The following CSNK2A2IP variants were observed in gnomAD, a reference collection of about 807,000 sequenced individuals.
CSNK2A2IP encodes casein kinase 2 subunit alpha' interacting protein.
At chr3:88,375,295 T>C in the CSNK2A2IP span, among the ~76,000 whole-genome samples, 7 of 151,808 alleles carry the variant, frequency 4.6e-5, no homozygotes, top group East Asian at 1.9e-4. Context: ...TCTCCTCTTA[T>C]AAGGCAAGCC....
At chr3:88,432,919 C>T in the CSNK2A2IP span, among the ~76,000 whole-genome samples, 1 of 151,770 alleles carries the variant, frequency 6.6e-6, no homozygotes, top group Non-Finnish European at 1.5e-5. Flanking sequence ...TTCTGGTTCA[C>T]AGCTCATATA....
chr3:88,448,521 T>C, the CSNK2A2IP span, among the ~76,000 whole-genome samples: 1 of 152,336 alleles, frequency 6.6e-6, no homozygotes, highest in South Asian at 2.1e-4. Flanking sequence ...TTAAAGTATA[T>C]AGGGAATCCC....
At chr3:88,424,745 T>A in the CSNK2A2IP span, among the ~76,000 whole-genome samples, 1 of 152,122 alleles carries the variant, frequency 6.6e-6, no homozygotes, top group Admixed American at 6.5e-5. Flanking sequence ...TGTGAAAAAG[T>A]AATGTCTGCC....
At chr3:88,408,225 G>T in the CSNK2A2IP span, among the ~76,000 whole-genome samples, 2 of 151,020 alleles carry the variant, frequency 1.3e-5, no homozygotes, top group African/African-American at 5.0e-5. Context: ...TTTCATAAAG[G>T]TGACAGAGTA....
chr3:88,370,923 T>C, the CSNK2A2IP span, among the ~76,000 whole-genome samples: 2 of 151,620 alleles, frequency 1.3e-5, no homozygotes, highest in East Asian at 1.9e-4. Context: ...TGCACGCACA[T>C]AGAGAAAAGG....
At chr3:88,363,158 A>G in the CSNK2A2IP span, among the ~76,000 whole-genome samples, 2 of 152,214 alleles carry the variant, frequency 1.3e-5, no homozygotes, top group African/African-American at 4.8e-5. Context: ...TATAAGCAAT[A>G]CAAGACTTTC....
At chr3:88,351,887 G>C in the CSNK2A2IP span, among the ~76,000 whole-genome samples, 1 of 152,006 alleles carries the variant, frequency 6.6e-6, no homozygotes, top group Non-Finnish European at 1.5e-5. Context: ...GATTTTCAGA[G>C]TTCATCATTT....
chr3:88,366,308 A>G, the CSNK2A2IP span, among the ~76,000 whole-genome samples: 1 of 152,166 alleles, frequency 6.6e-6, no homozygotes, highest in Non-Finnish European at 1.5e-5. Flanking sequence ...AGTTTGTACA[A>G]TGGCTAAGCC....
chr3:88,466,476 A>T, the CSNK2A2IP span: 24 of 1,231,894 alleles, frequency 1.9e-5, no homozygotes, highest in Non-Finnish European at 2.3e-5. Flanking sequence ...GTCAATTATT[A>T]TCAAGCTCCA....
At chr3:88,391,583 T>C in the CSNK2A2IP span, among the ~76,000 whole-genome samples, 2 of 152,222 alleles carry the variant, frequency 1.3e-5, no homozygotes, top group East Asian at 3.8e-4. Flanking sequence ...ATTTAAGATA[T>C]AACTTCATGA....
the CSNK2A2IP span, among the ~76,000 whole-genome samples, chr3:88,402,074 A>G: frequency 6.6e-6 from 1 of 151,140 alleles, no homozygotes; most frequent in South Asian, 2.1e-4. Flanking sequence ...ATCATACATC[A>G]TAACATTCCA....
the CSNK2A2IP span, among the ~76,000 whole-genome samples, chr3:88,444,625 T>C: frequency 6.6e-6 from 1 of 152,220 alleles, no homozygotes; most frequent in South Asian, 2.1e-4. Flanking sequence ...GTTATGTATA[T>C]GTGTTAACTA....
chr3:88,466,967 T>C, the CSNK2A2IP span: 1 of 1,231,016 alleles, frequency 8.1e-7, no homozygotes, highest in Non-Finnish European at 1.0e-6. Context: ...CCATTCCCTA[T>C]GAAAGAAAAC....
the CSNK2A2IP span, among the ~76,000 whole-genome samples, chr3:88,350,898 C>T: frequency 6.6e-6 from 1 of 152,104 alleles, no homozygotes; most frequent in Non-Finnish European, 1.5e-5. Context: ...CCAACTCTCA[C>T]CCCCAGTAGA....
chr3:88,353,707 C>G, the CSNK2A2IP span, among the ~76,000 whole-genome samples: 1 of 152,140 alleles, frequency 6.6e-6, no homozygotes, highest in Non-Finnish European at 1.5e-5. Context: ...CAATTACACT[C>G]TAATCATATC....
At chr3:88,435,826 TA>T in the CSNK2A2IP span, among the ~76,000 whole-genome samples, 1 of 152,068 alleles carries the variant, frequency 6.6e-6, no homozygotes, top group African/African-American at 2.4e-5. Flanking sequence ...ATCAGCAGAA[TA>T]TTTTTAAACT....
the CSNK2A2IP span, among the ~76,000 whole-genome samples, chr3:88,383,324 T>C: frequency 2.0e-5 from 3 of 152,240 alleles, no homozygotes; most frequent in Non-Finnish European, 4.4e-5. Context: ...AATCCATCGT[T>C]CACTGTTTGT....
At chr3:88,465,283 C>T in the CSNK2A2IP span, 717 of 886,044 alleles carry the variant, frequency 8.1e-4, 8 homozygotes, top group African/African-American at 0.01. Flanking sequence ...CATGGATTCC[C>T]GCTAAAAGAC....
chr3:88,397,047 A>G, the CSNK2A2IP span, among the ~76,000 whole-genome samples: 1 of 152,174 alleles, frequency 6.6e-6, no homozygotes, highest in Non-Finnish European at 1.5e-5. Flanking sequence ...TAAGAAAAAC[A>G]AGAGGGCATG....
Sources: gnomAD v4.1 joint callset for allele counts (sites outside exome capture counted in the v4.1 genomes callset) on GRCh38, gnomAD v4.1.1 for gene constraint, MANE v1.5 for transcripts, NCBI Gene and HGNC (gene_info 2026-07-23, HGNC 2026-07-21) for gene names.